SCN9A: variants seen among roughly 807,000 people sequenced by gnomAD.
The protein encoded by SCN9A is sodium voltage-gated channel alpha subunit 9.
A neutral mutation model predicts 187.0 loss-of-function variants in SCN9A; 131 were observed. The observed-to-expected ratio is 0.70, with a 90% CI of 0.61 to 0.81. The LOEUF is 0.81. SCN9A is among the 30% of genes least tolerant of loss of function. The pLI, the probability that SCN9A is intolerant of heterozygous loss-of-function variation, is 0.00. For missense variants in SCN9A, 2,252 were observed against 2,396.6 expected (o/e 0.94, Z 1.26); for synonymous variants, 809 against 808.6 (o/e 1.00, Z -0.01).
At chr2:166,319,344 T>C (rs538515826) in intron 1 of SCN9A, among the ~76,000 whole-genome samples, 1 of 127,750 alleles carries the variant, frequency 7.8e-6, no homozygotes, top group South Asian at 2.5e-4. Flanking sequence ...TGGATTAAGG[T>C]AGAGCAAAAA....
intron 1 of SCN9A, among the ~76,000 whole-genome samples, chr2:166,332,485 G>C (rs1461711215): frequency 6.6e-6 from 1 of 152,256 alleles, no homozygotes; most frequent in Middle Eastern, 3.4e-3. Flanking sequence ...TTTTGGCTAT[G>C]ACAGTTTTGC....
At chr2:166,210,776 C>T (rs546847269) in intron 24 of SCN9A, among the ~76,000 whole-genome samples, 3 of 152,024 alleles carry the variant, frequency 2.0e-5, no homozygotes, top group South Asian at 2.1e-4. Flanking sequence ...AAAGAAGTCT[C>T]GGCTGGGCAT....
Position 166,288,544 on chromosome 2 carries a change from T to G in SCN9A, c.1207A>C (p.Met403Leu), listed in dbSNP as rs746956041. The change falls in exon 10 of 27, where the codon ATG (methionine) becomes CTG (leucine). Residue 403 changes from methionine to leucine, a missense_variant. Met to Leu is a conservative substitution (Grantham distance 15, BLOSUM62 2). Coordinates refer to ENST00000642356, the MANE Select transcript of SCN9A (RefSeq NM_001365536.1). Reference protein sequence around the residue: ...LINLILAVVAMAYEEQNQANI... With the variant: ...LINLILAVVALAYEEQNQANI... ...GCCTGGTTCTGTTCTTCATATGCCA[T>G]GGCAACCACAGCCAGGATCAAGTTT... 7.4e-6 allele frequency: 12 copies of G among 1,613,052 alleles called. No homozygotes were observed. In the Admixed American group the frequency reaches 8.3e-5, roughly 11 times the overall value.
intron 1 of SCN9A, among the ~76,000 whole-genome samples, chr2:166,314,565 C>T (rs888687563): frequency 1.3e-5 from 2 of 152,124 alleles, no homozygotes; most frequent in Non-Finnish European, 2.9e-5. Flanking sequence ...CCTCATTACT[C>T]ACCAATGAAT....
At chr2:166,236,253 G>C (rs1427998526) in intron 20 of SCN9A, among the ~76,000 whole-genome samples, 1 of 151,780 alleles carries the variant, frequency 6.6e-6, no homozygotes, top group Non-Finnish European at 1.5e-5. Flanking sequence ...TTGAAAAATA[G>C]CAAGAAATCA....
chr2:166,291,769 A>C (rs1307438514), intron 9 of SCN9A, among the ~76,000 whole-genome samples: 2 of 152,166 alleles, frequency 1.3e-5, no homozygotes, highest in African/African-American at 4.8e-5. Flanking sequence ...ATAACACCAC[A>C]CTTCTACAAG....
intron 24 of SCN9A, 114 bp from the exon 25 acceptor site, chr2:166,204,578 A>G (rs981769915): frequency 3.4e-6 from 2 of 588,844 alleles, no homozygotes; most frequent in South Asian, 3.2e-5. Flanking sequence ...AATGTATTTT[A>G]TTATGTTCAT....
intron 1 of SCN9A, among the ~76,000 whole-genome samples, chr2:166,371,969 C>G (rs1401034663): frequency 6.6e-6 from 1 of 152,098 alleles, no homozygotes; most frequent in African/African-American, 2.4e-5. Flanking sequence ...CAGTTTGTCA[C>G]CTAATTGAAA....
chr2:166,253,122 C>G (rs941368374), intron 17 of SCN9A, among the ~76,000 whole-genome samples: 1 of 151,820 alleles, frequency 6.6e-6, no homozygotes, highest in African/African-American at 2.4e-5. Flanking sequence ...GACTTGGAAG[C>G]TAGAAGTATT....
intron 24 of SCN9A, among the ~76,000 whole-genome samples, chr2:166,222,419 G>A (rs1694627079): frequency 6.6e-6 from 1 of 152,094 alleles, no homozygotes; most frequent in African/African-American, 2.4e-5. Context: ...CATGAGGTCA[G>A]GAGATCAAGA....
At chr2:166,281,593 A>C in intron 13 of SCN9A, 86 bp downstream of exon 13, 1 of 1,265,296 alleles carries the variant, frequency 7.9e-7, no homozygotes, top group Non-Finnish European at 1.1e-6. Flanking sequence ...ATTCTTCCTA[A>C]GAATTTCATG....
chr2:166,257,571 T>A (rs1696333380), intron 17 of SCN9A, among the ~76,000 whole-genome samples: 1 of 151,632 alleles, frequency 6.6e-6, no homozygotes, highest in Admixed American at 6.6e-5. Context: ...AAGTGCCATA[T>A]TTCAAGTCAT....
At chr2:166,323,672 A>C (rs1475551929) in intron 1 of SCN9A, among the ~76,000 whole-genome samples, 3 of 152,132 alleles carry the variant, frequency 2.0e-5, no homozygotes, top group Non-Finnish European at 4.4e-5. Context: ...TGCAGTTCCC[A>C]AATGATTTAT....
intron 1 of SCN9A, among the ~76,000 whole-genome samples, chr2:166,317,347 CT>C: frequency 6.6e-6 from 1 of 151,964 alleles, no homozygotes; most frequent in Non-Finnish European, 1.5e-5. Context: ...TACATTTCCA[CT>C]TTTATTAACA....
At chr2:166,365,086 C>T (rs1700383036) in intron 1 of SCN9A, among the ~76,000 whole-genome samples, 1 of 152,020 alleles carries the variant, frequency 6.6e-6, no homozygotes, top group South Asian at 2.1e-4. Flanking sequence ...ACTGTACTCC[C>T]ACCATTAAGT....
chr2:166,210,905 A>C (rs1418878730), intron 24 of SCN9A, among the ~76,000 whole-genome samples: 1 of 152,042 alleles, frequency 6.6e-6, no homozygotes, highest in Non-Finnish European at 1.5e-5. Context: ...ACCAAAAATT[A>C]CAAAAATCAG....
Position 166,280,374 on chromosome 2 carries a change from G to A in SCN9A, c.2326C>T (p.Leu776Phe), listed in dbSNP as rs771120873. 1.9e-6 allele frequency: 3 copies of A among 1,571,008 alleles called. No individual in the cohort carries two copies. The highest frequency in any genetic ancestry group is 2.6e-6 in the Non-Finnish European group (3 of 1,153,556). The change falls in exon 14 of 27, where the codon CTT (leucine) becomes TTT (phenylalanine). Residue 776 changes from leucine to phenylalanine, a missense_variant. Coordinates refer to ENST00000642356, the MANE Select transcript of SCN9A (RefSeq NM_001365536.1). ...AGACTTACCAAATTTCCTATAGCAA[G>A]TACATTTTTGAATTCCTCAGTCATT... ...HPMTEEFKNVLAIGNLVFTGI... is the reference protein window; with the variant it reads ...HPMTEEFKNVFAIGNLVFTGI...
intron 18 of SCN9A, among the ~76,000 whole-genome samples, chr2:166,243,760 G>T (rs900766125): frequency 1.3e-5 from 2 of 152,008 alleles, no homozygotes; most frequent in Non-Finnish European, 2.9e-5. Flanking sequence ...TATTGAGGTT[G>T]AGGAGTAAGT....
chr2:166,214,240 C>T (rs1263092749), intron 24 of SCN9A, among the ~76,000 whole-genome samples: 1 of 151,852 alleles, frequency 6.6e-6, no homozygotes, highest in Non-Finnish European at 1.5e-5. Flanking sequence ...CTCTCAAGTA[C>T]AAAAAACGAT....
Sources: allele counts gnomAD v4.1 joint callset (sites outside exome capture counted in the v4.1 genomes callset), GRCh38; gene constraint gnomAD v4.1.1; transcripts MANE v1.5; gene names NCBI Gene and HGNC (gene_info 2026-07-23, HGNC 2026-07-21).